Variants in CDH18 observed in about 807,000 individuals in gnomAD.
CDH18 encodes the protein cadherin-18.
A neutral mutation model predicts 67.9 loss-of-function variants in CDH18; 31 were observed. The observed-to-expected ratio is 0.46, with a 90% CI of 0.34 to 0.62. The LOEUF (loss-of-function observed/expected upper bound fraction) is 0.62. Ranked by LOEUF, CDH18 falls within the 20% of genes least tolerant of loss-of-function variation. The pLI, the probability that CDH18 is intolerant of heterozygous loss-of-function variation, is 0.01. For missense variants in CDH18, 890 were observed against 975.5 expected, an observed-to-expected ratio of 0.91 and a Z score of 1.17; for synonymous variants, 362 against 347.2, an observed-to-expected ratio of 1.04 and a Z score of -0.48.
chr5:19,888,003 T>C (rs1788404350), intron 2 of CDH18, among the ~76,000 whole-genome samples: 1 of 152,148 alleles, frequency 6.6e-6, no homozygotes, highest in African/African-American at 2.4e-5. Context: ...ACCACCTATA[T>C]CACAAATTAT....
At chr5:19,853,596 C>G (rs1348749812) in intron 2 of CDH18, among the ~76,000 whole-genome samples, 1 of 152,130 alleles carries the variant, frequency 6.6e-6, no homozygotes, top group Admixed American at 6.6e-5. Context: ...TCAGAAGCAA[C>G]TGAAGTTATT....
At chr5:19,565,436 C>G (rs1293257954) in intron 8 of CDH18, among the ~76,000 whole-genome samples, 1 of 152,160 alleles carries the variant, frequency 6.6e-6, no homozygotes, top group Admixed American at 6.5e-5. Context: ...AGATTTTACC[C>G]AAGACCACTA....
At chr5:20,520,205 A>G (rs1419227990) in intron 1 of CDH18, among the ~76,000 whole-genome samples, 7 of 152,002 alleles carry the variant, frequency 4.6e-5, no homozygotes, top group Middle Eastern at 3.4e-3. Flanking sequence ...AACTAGGACC[A>G]AGTAGAGGTA....
At chr5:20,463,048 A>G (rs929960268) in intron 1 of CDH18, among the ~76,000 whole-genome samples, 2 of 152,136 alleles carry the variant, frequency 1.3e-5, no homozygotes, top group Non-Finnish European at 2.9e-5. Flanking sequence ...ACATGGCTAA[A>G]TATTTTCTGC....
chr5:19,756,302 A>G (rs978005776), intron 3 of CDH18, among the ~76,000 whole-genome samples: 1 of 152,218 alleles, frequency 6.6e-6, no homozygotes, highest in Non-Finnish European at 1.5e-5. Flanking sequence ...TTAGCAAAAG[A>G]AGGAGGAAAT....
chr5:19,952,920 C>T (rs1795938352), intron 2 of CDH18, among the ~76,000 whole-genome samples: 1 of 152,042 alleles, frequency 6.6e-6, no homozygotes, highest in African/African-American at 2.4e-5. Context: ...GAAACTTTAC[C>T]ATCTGAATTC....
At chr5:20,058,461 A>T (rs1282886274) in intron 2 of CDH18, among the ~76,000 whole-genome samples, 1 of 152,086 alleles carries the variant, frequency 6.6e-6, no homozygotes, top group Non-Finnish European at 1.5e-5. Context: ...GAAGGGAAAA[A>T]CTTAATTTCC....
intron 3 of CDH18, among the ~76,000 whole-genome samples, chr5:19,767,359 C>T (rs920797637): frequency 2.0e-5 from 3 of 151,202 alleles, no homozygotes; most frequent in Non-Finnish European, 4.4e-5. Flanking sequence ...AGAGTAGTTG[C>T]GAATAAGGAG....
chr5:20,333,520 A>T (rs201824161), intron 1 of CDH18, among the ~76,000 whole-genome samples: 9,733 of 115,534 alleles, frequency 0.084, 554 homozygotes, highest in East Asian at 0.29. Flanking sequence ...AAAAAAAAAC[A>T]ATATATATAC....
chr5:19,566,933 T>C (rs558319935), intron 8 of CDH18, among the ~76,000 whole-genome samples: 1 of 152,258 alleles, frequency 6.6e-6, no homozygotes, highest in Non-Finnish European at 1.5e-5. Flanking sequence ...ATTTGCAACA[T>C]AGATAGAACT....
chr5:19,822,388 A>G (rs1779962083), intron 3 of CDH18, among the ~76,000 whole-genome samples: 1 of 152,158 alleles, frequency 6.6e-6, no homozygotes, highest in Non-Finnish European at 1.5e-5. Context: ...ATAATCATAA[A>G]AGGTTCAATT....
intron 5 of CDH18, among the ~76,000 whole-genome samples, chr5:19,706,758 A>G (rs1365048367): frequency 6.6e-6 from 1 of 152,226 alleles, no homozygotes; most frequent in Non-Finnish European, 1.5e-5. Context: ...TAAACACATT[A>G]CTGGTATCCC....
chr5:19,655,717 T>G (rs1756268284), intron 5 of CDH18, among the ~76,000 whole-genome samples: 1 of 152,056 alleles, frequency 6.6e-6, no homozygotes, highest in Non-Finnish European at 1.5e-5. Flanking sequence ...GATATAAGCC[T>G]TTCAAACTGC....
chr5:20,022,520 A>T (rs925636329), intron 2 of CDH18, among the ~76,000 whole-genome samples: 1 of 152,226 alleles, frequency 6.6e-6, no homozygotes, highest in Non-Finnish European at 1.5e-5. Flanking sequence ...TACAAAAAAC[A>T]TTTCTTGCTA....
In CDH18 at chr5:19,744,626, T is replaced by C. The variant is rs948081050; in HGVS notation, c.523+2316A>G. 1.1e-4 allele frequency among the ~76,000 whole-genome samples: 17 copies of C among 152,250 alleles called. 1 individual carries two copies. In the East Asian group the frequency reaches 3.3e-3, roughly 29 times the overall value. ...GATCTCTGTTCTGATTTATTTCAACTATTTTCAATTTCAACTGTTGATCTT... is the reference window on the plus strand; with the variant it reads ...GATCTCTGTTCTGATTTATTTCAACCATTTTCAATTTCAACTGTTGATCTT... On this transcript the variant is annotated intron_variant, in intron 4 of 12. Transcript: ENST00000382275.
chr5:20,461,916 G>A (rs140565674), intron 1 of CDH18, among the ~76,000 whole-genome samples: 2 of 152,174 alleles, frequency 1.3e-5, no homozygotes, highest in Non-Finnish European at 2.9e-5. Context: ...TGCACTATTG[G>A]TGTGAATGTA....
rs561246224 is a variant in CDH18, at chr5:19,832,821, G to A, written c.228+5938C>T. Among the ~76,000 whole-genome samples, 7 of 151,984 alleles carry A rather than the reference G, an allele frequency of 4.6e-5. No individual in the cohort carries two copies. In the East Asian group the frequency reaches 9.7e-4, roughly 21 times the overall value. On this transcript the variant is annotated intron_variant, in intron 3 of 12. Coordinates refer to ENST00000382275, the MANE Select transcript of CDH18 (RefSeq NM_004934.5). ...ATTGCTTGTTTTTGTCAGATTTGTC[G>A]AAGATCAGATGGTTGCAGATGTGTG...
At chr5:20,400,150 A>G (rs527933826) in intron 1 of CDH18, among the ~76,000 whole-genome samples, 1 of 152,310 alleles carries the variant, frequency 6.6e-6, no homozygotes, top group South Asian at 2.1e-4. Flanking sequence ...ATAGATCAAT[A>G]CAGAAAGCTC....
intron 1 of CDH18, among the ~76,000 whole-genome samples, chr5:20,418,283 CG>C (rs1272742717): frequency 2.9e-5 from 1 of 35,086 alleles, no homozygotes; most frequent in African/African-American, 1.2e-4. Context: ...TCAGTAGAGA[CG>C]GGGTTTCCTC....
Sources: allele counts gnomAD v4.1 joint callset (sites outside exome capture counted in the v4.1 genomes callset), GRCh38; gene constraint gnomAD v4.1.1; transcripts MANE v1.5; gene names NCBI Gene and HGNC (gene_info 2026-07-23, HGNC 2026-07-21).